Variants in PTCHD4 observed in about 807,000 individuals in gnomAD.
PTCHD4 encodes the protein patched domain-containing protein 4.
A neutral mutation model predicts 58.1 loss-of-function variants in PTCHD4; 33 were observed. The ratio of observed to expected loss-of-function variants is 0.57; its 90% CI spans 0.43 to 0.76. PTCHD4 has a LOEUF of 0.76. Among genes scored for constraint, PTCHD4 ranks in the 30% least tolerant of loss-of-function variants. The pLI is 0.00. For missense variants in PTCHD4, 1,058 were observed against 1,027.1 expected (o/e 1.03, Z -0.41); for synonymous variants, 478 against 409.6 (o/e 1.17, Z -2.02).
Position 47,878,418 on chromosome 6 carries a change from A to G in PTCHD4, c.2417T>C (p.Phe806Ser). 1 of 1,613,406 alleles carries G rather than the reference A, an allele frequency of 6.2e-7. No individual in the cohort carries two copies. The highest frequency in any genetic ancestry group is 8.5e-7 in the Non-Finnish European group (1 of 1,179,662). ...CFVILPVFLTFFPPSKKHHKK... is the reference protein window; with the variant it reads ...CFVILPVFLTSFPPSKKHHKK... ...GTGGTGCTTTTTGGAAGGGGGGAAA[A>G]ACGTTAGGAACACAGGTAAAATAAC... Residue 806 changes from phenylalanine (F) to serine (S), a missense_variant, in exon 5 of 5, where the codon TTT (phenylalanine) becomes TCT (serine). Coordinates refer to ENST00000339488, the MANE Select transcript of PTCHD4 (RefSeq NM_001384253.1).
chr6:48,068,874 G>GGGCGGGC lies in PTCHD4; in HGVS notation c.5+72_5+78dup, dbSNP rs1297406193. ...GGGCAAATACCGACAGCGCGCGTGG[G>GGGCGGGC]GGCGGGCGGCGGGCGCCGCGGGGCC... On this transcript the variant is annotated intron_variant, in intron 2 of 4. Transcript: ENST00000339488. The surrounding 1 kb of genome is among the most constrained non-coding windows in gnomAD (Gnocchi z 4.2). 1.3e-5 allele frequency among the ~76,000 whole-genome samples: 2 copies of GGGCGGGC among 151,618 alleles called. No homozygotes were observed.
chr6:47,876,097 A>T lies in PTCHD4; in HGVS notation c.*2206T>A, dbSNP rs1763841661. ...ACTACAAAACTCCCACCCAAACAAA[A>T]AATCAAAACCCAACCAAAAACCTCC... On this transcript the variant is annotated 3_prime_UTR_variant, in exon 5 of 5. Transcript: ENST00000339488. Among the ~76,000 whole-genome samples the T allele has an allele frequency of 1.3e-5, 2 of 151,622 alleles. No individual in the cohort carries two copies. The highest frequency in any genetic ancestry group is 1.9e-4 in the East Asian group (1 of 5,140).
At chr6:47,932,333 C>G (rs577346970) in intron 4 of PTCHD4, among the ~76,000 whole-genome samples, 1 of 152,086 alleles carries the variant, frequency 6.6e-6, no homozygotes, top group African/African-American at 2.4e-5. Context: ...GAGGCTGACT[C>G]AAGTTCAGAC....
chr6:48,108,578 T>C (rs1765796635), intron 1 of PTCHD4, among the ~76,000 whole-genome samples: 1 of 152,042 alleles, frequency 6.6e-6, no homozygotes, highest in Admixed American at 6.6e-5. Context: ...GTTGTGCATA[T>C]GTATCCTAAA....
At chr6:47,931,912 T>C (rs541728509) in intron 4 of PTCHD4, among the ~76,000 whole-genome samples, 1 of 152,008 alleles carries the variant, frequency 6.6e-6, no homozygotes, top group Admixed American at 6.6e-5. Flanking sequence ...GTGAGAAAAT[T>C]GAGATTCAAA....
intron 1 of PTCHD4, among the ~76,000 whole-genome samples, chr6:48,090,601 G>A (rs963730432): frequency 6.6e-6 from 1 of 152,066 alleles, no homozygotes; most frequent in Non-Finnish European, 1.5e-5. Flanking sequence ...ATCTCAGAAG[G>A]GGTAAAATAA....
Position 47,878,693 on chromosome 6 carries a change from G to A in PTCHD4, c.2142C>T (p.Cys714=). 6.2e-7 allele frequency: 1 copy of A among 1,613,490 alleles called. No individual in the cohort carries two copies. Residue 714 remains cysteine, a synonymous_variant, in exon 5 of 5, where the codon TGC becomes TGT. Coordinates refer to ENST00000339488, the MANE Select transcript of PTCHD4 (RefSeq NM_001384253.1). ...NVDMDCISIL[C]LIYTLNFAID... is the part of the protein sequence containing the mutation. ...TGGCGAAATTCAAGGTGTAGATAAG[G>A]CACAAGATAGAAATGCAATCCATGT...
intron 4 of PTCHD4, among the ~76,000 whole-genome samples, chr6:47,957,727 A>C (rs1766922186): frequency 6.6e-6 from 1 of 151,280 alleles, no homozygotes; most frequent in Admixed American, 6.6e-5. Flanking sequence ...CAGTATCTAG[A>C]GTAGCTGGGA....
chr6:47,920,551 G>C (rs1028532148), intron 4 of PTCHD4, among the ~76,000 whole-genome samples: 1 of 152,104 alleles, frequency 6.6e-6, no homozygotes, highest in East Asian at 1.9e-4. Context: ...AATTGAAATT[G>C]TCATCCAATA....
intron 4 of PTCHD4, among the ~76,000 whole-genome samples, chr6:47,940,980 C>G (rs750286919): frequency 6.6e-6 from 1 of 152,166 alleles, no homozygotes; most frequent in Non-Finnish European, 1.5e-5. Flanking sequence ...CAGAGTCTCA[C>G]TTCCAGACCT....
intron 4 of PTCHD4, among the ~76,000 whole-genome samples, chr6:47,936,880 C>T (rs1766019200): frequency 6.6e-6 from 1 of 152,200 alleles, no homozygotes; most frequent in South Asian, 2.1e-4. Context: ...TCCAAAAACG[C>T]TCCAGTCTTA....
At chr6:48,049,886 G>T (rs1229411632) in intron 3 of PTCHD4, among the ~76,000 whole-genome samples, 1 of 151,880 alleles carries the variant, frequency 6.6e-6, no homozygotes. Context: ...AATAAGATAA[G>T]AAAAACTTTG....
chr6:47,882,741 G>GATATACATATATATATATATATAT lies in PTCHD4; in HGVS notation c.899-2806_899-2805insATATATATATATATATATGTATAT, dbSNP rs1554149147. Among the ~76,000 whole-genome samples the GATATACATATATATATATATATAT allele has an allele frequency of 1.1e-3, 108 of 102,436 alleles. 1 individual carries two copies. The highest frequency in any genetic ancestry group is 1.6e-3 in the Non-Finnish European group (77 of 47,664). 67.2% of individuals were successfully genotyped at this position (102,436 alleles called of 152,430 possible). ...TGAATCCATTTCTAATGATTCCAGT[G>GATATACATATATATATATATATAT]ATATATATATATATATTCCTTAAAT... On this transcript the variant is annotated intron_variant, in intron 4 of 4. Transcript: ENST00000339488.
rs868374873 is a variant in PTCHD4, at chr6:48,069,845, C to T, written c.-888G>A. Among the ~76,000 whole-genome samples, 1 of 152,118 alleles carries T rather than the reference C, an allele frequency of 6.6e-6. No individual in the cohort carries two copies. Among genetic ancestry groups the T allele is most frequent in the African/African-American group, 2.4e-5 (1 of 41,414 alleles). ...CACCCCTCACCCATGAGGACTGTTT[C>T]AAGCCATCTGGTTCAGGCTAATTTT... On this transcript the variant is annotated 5_prime_UTR_variant, in exon 2 of 5. The change abolishes the stop of an existing upstream ORF in the 5' untranslated region. Coordinates refer to ENST00000339488, the MANE Select transcript of PTCHD4 (RefSeq NM_001384253.1).
chr6:48,029,617 A>G (rs1763366540), intron 3 of PTCHD4, among the ~76,000 whole-genome samples: 1 of 152,088 alleles, frequency 6.6e-6, no homozygotes, highest in South Asian at 2.1e-4. Context: ...GCCTTTGAGA[A>G]AAAAGGTGAA....
intron 3 of PTCHD4, among the ~76,000 whole-genome samples, chr6:48,053,301 T>C (rs371719022): frequency 9.1e-4 from 139 of 152,294 alleles, no homozygotes; most frequent in African/African-American, 3.2e-3. Flanking sequence ...ATTCAAAACG[T>C]GACAGCTAAA....
intron 4 of PTCHD4, among the ~76,000 whole-genome samples, chr6:47,938,333 T>C (rs1462575946): frequency 1.3e-5 from 2 of 152,170 alleles, no homozygotes; most frequent in Non-Finnish European, 2.9e-5. Flanking sequence ...TCTGTATGTC[T>C]AACAATTTTT....
intron 4 of PTCHD4, among the ~76,000 whole-genome samples, chr6:47,910,101 C>A (rs1369915536): frequency 6.6e-6 from 1 of 152,160 alleles, no homozygotes; most frequent in East Asian, 1.9e-4. Flanking sequence ...TTGCTCTTCA[C>A]TGGATGTGTA....
At chr6:48,016,542 G>T (rs1039772230) in intron 3 of PTCHD4, among the ~76,000 whole-genome samples, 4 of 151,938 alleles carry the variant, frequency 2.6e-5, no homozygotes, top group Non-Finnish European at 5.9e-5. Flanking sequence ...TTGTTCCAAG[G>T]TGAATCATTG....
Sources: allele counts gnomAD v4.1 joint callset (sites outside exome capture counted in the v4.1 genomes callset), GRCh38; gene constraint gnomAD v4.1.1; non-coding constraint Gnocchi (gnomAD v3.1); transcripts MANE v1.5; gene names NCBI Gene and HGNC (gene_info 2026-07-23, HGNC 2026-07-21).